The following KIF11 variants were observed in gnomAD, a reference collection of about 807,000 sequenced individuals.
The protein encoded by KIF11 is kinesin family member 11.
In KIF11, 9 loss-of-function variants were observed where a neutral mutation model predicts 121.0. The ratio of observed to expected loss-of-function variants is 0.07; its 90% CI spans 0.04 to 0.13. The LOEUF (loss-of-function observed/expected upper bound fraction) is 0.13, where lower values mean the gene tolerates loss of function less well. Among genes scored for constraint, KIF11 ranks in the 10% least tolerant of loss-of-function variants. The pLI is 1.00. For missense variants in KIF11, 846 were observed against 1,217.5 expected (o/e 0.69, Z 4.54); for synonymous variants, 408 against 421.0 (o/e 0.97, Z 0.38).
At chr10:92,634,236 G>A (rs1203073484) in intron 14 of KIF11, among the ~76,000 whole-genome samples, 1 of 151,984 alleles carries the variant, frequency 6.6e-6, no homozygotes, top group Admixed American at 6.6e-5. Context: ...ACCCGCCTCG[G>A]CCTCCCAAAG....
Position 92,613,083 on chromosome 10 carries a change from A to G in KIF11, c.742A>G (p.Thr248Ala). The change falls in exon 7 of 22, where the codon ACT becomes GCT. Residue 248 changes from threonine (T) to alanine (A), a missense_variant. Around this residue, in one of 5 missense-constraint regions of KIF11, gnomAD observed 116 missense variants for 285.3 expected, o/e 0.41. Coordinates refer to ENST00000260731, the MANE Select transcript of KIF11 (RefSeq NM_004523.4). The surrounding 1 kb of genome is among the most constrained non-coding windows in gnomAD (Gnocchi z 4.2). ...VFSVTIHMKETTIDGEELVKI... is the reference protein window; with the variant it reads ...VFSVTIHMKEATIDGEELVKI... ...CTCTGTTACAATACATATGAAAGAA[A>G]CTACGATTGATGGAGAAGAGCTTGT... 6.2e-7 allele frequency: 1 copy of G among 1,612,734 alleles called. No homozygotes were observed. Among genetic ancestry groups the G allele is most frequent in the Non-Finnish European group, 8.5e-7 (1 of 1,179,042 alleles).
At chr10:92,601,411 G>A (rs553320145) in intron 1 of KIF11, among the ~76,000 whole-genome samples, 172 of 147,476 alleles carry the variant, frequency 1.2e-3, no homozygotes, top group African/African-American at 4.2e-3. Flanking sequence ...GGGTTTCGCC[G>A]TTTTAGCCAG....
chr10:92,645,890 T>C (rs538463723), intron 18 of KIF11, among the ~76,000 whole-genome samples: 3 of 152,154 alleles, frequency 2.0e-5, no homozygotes, highest in African/African-American at 7.2e-5. Context: ...TCTGACTTAG[T>C]AGTTTCTTCA....
intron 16 of KIF11, among the ~76,000 whole-genome samples, chr10:92,639,506 T>A (rs1444742294): frequency 6.6e-6 from 1 of 151,868 alleles, no homozygotes; most frequent in Non-Finnish European, 1.5e-5. Context: ...GGAAGGAGGA[T>A]CCCTTGAGCC....
intron 1 of KIF11, among the ~76,000 whole-genome samples, chr10:92,600,929 C>A (rs1004274035): frequency 6.6e-6 from 1 of 151,524 alleles, no homozygotes; most frequent in Non-Finnish European, 1.5e-5. Context: ...GGCGCCATCT[C>A]TGCTTACTGT....
chr10:92,653,233 G>C (rs117711203), intron 21 of KIF11, among the ~76,000 whole-genome samples: 3,168 of 152,212 alleles, frequency 0.021, 50 homozygotes, highest in Admixed American at 0.052. Context: ...GTTGTGATGG[G>C]CTTTCCTGTG....
In KIF11 at chr10:92,653,475, AG is replaced by A. The variant is rs755069459; in HGVS notation, c.3040-189del. ...TTTCTTTCACTCTACTCCTTCCATT[AG>A]TGATCAAATAAAGAAGGCATTTGGC... On this transcript the variant is annotated intron_variant, in intron 21 of 21. Coordinates refer to ENST00000260731, the MANE Select transcript of KIF11 (RefSeq NM_004523.4). 5.3e-5 allele frequency among the ~76,000 whole-genome samples: 8 copies of A among 152,238 alleles called. No individual in the cohort carries two copies. The East Asian group carries it at 1.5e-3, about 29-fold the overall frequency.
At chr10:92,624,121 C>T (rs991279018) in intron 10 of KIF11, among the ~76,000 whole-genome samples, 2 of 151,340 alleles carry the variant, frequency 1.3e-5, no homozygotes, top group Non-Finnish European at 2.9e-5. Flanking sequence ...TTAGCTCCTA[C>T]TTATAAGTGA....
In KIF11 at chr10:92,648,382, G is replaced by T; in HGVS notation, c.2718G>T (p.Leu906Phe). 6.2e-7 allele frequency: 1 copy of T among 1,612,530 alleles called. No individual in the cohort carries two copies. Among genetic ancestry groups the T allele is most frequent in the South Asian group, 1.1e-5 (1 of 90,802 alleles). ...LELNETIKIG[L>F]TKLNCFLEQD... ...TTAATGAAACCATAAAAATTGGTTT[G>T]ACTAAGCTTAATTGCTTTCTGGAAC... Residue 906 changes from leucine (L) to phenylalanine (F), a missense_variant, in exon 19 of 22, where the codon TTG (leucine) becomes TTT (phenylalanine). Leu to Phe is a conservative substitution (Grantham distance 22, BLOSUM62 0). Coordinates refer to ENST00000260731, the MANE Select transcript of KIF11 (RefSeq NM_004523.4).
At position 92,613,143 on chromosome 10, in the gene KIF11, C is replaced by T; in HGVS notation, c.789+13C>T. On this transcript the variant is annotated intron_variant, in intron 7 of 21. Transcript: ENST00000260731. The surrounding 1 kb of genome is among the most constrained non-coding windows in gnomAD (Gnocchi z 4.2). ...AAAGTTGAACTTGGTAAGCATCCACCTTAATACTACTGTTTCACTCTTAAA... is the reference window on the plus strand; with the variant it reads ...AAAGTTGAACTTGGTAAGCATCCACTTTAATACTACTGTTTCACTCTTAAA... The T allele has an allele frequency of 6.4e-7, 1 of 1,567,708 alleles. No individual in the cohort carries two copies. The highest frequency in any genetic ancestry group is 8.8e-7 in the Non-Finnish European group (1 of 1,140,178).
At chr10:92,641,891 C>T (rs1276078768) in intron 17 of KIF11, among the ~76,000 whole-genome samples, 1 of 152,136 alleles carries the variant, frequency 6.6e-6, no homozygotes, top group Non-Finnish European at 1.5e-5. Flanking sequence ...GATCTGTCTT[C>T]ATATTCACTG....
intron 17 of KIF11, among the ~76,000 whole-genome samples, chr10:92,644,114 C>T (rs149973006): frequency 6.6e-6 from 1 of 152,198 alleles, no homozygotes; most frequent in East Asian, 1.9e-4. Context: ...TCTTAAGGCC[C>T]ATGCAAATCA....
At chr10:92,614,472 A>G (rs1844532321) in intron 8 of KIF11, among the ~76,000 whole-genome samples, 1 of 152,242 alleles carries the variant, frequency 6.6e-6, no homozygotes, top group South Asian at 2.1e-4. Flanking sequence ...ACACTCCTGA[A>G]GAAGTTATCT....
At chr10:92,629,004 G>C (rs1424628700) in intron 11 of KIF11, 109 bp downstream of exon 11, 1 of 603,690 alleles carries the variant, frequency 1.7e-6, no homozygotes, top group Non-Finnish European at 2.9e-6. Flanking sequence ...TTTTTTAGAC[G>C]GAGTCTCGCT....
At chr10:92,627,073 AT>A (rs1047424688) in intron 10 of KIF11, among the ~76,000 whole-genome samples, 7 of 152,310 alleles carry the variant, frequency 4.6e-5, no homozygotes, top group Non-Finnish European at 8.8e-5. Context: ...TAGAAGATCC[AT>A]TTTTAATAAA....
chr10:92,650,607 A>G lies in KIF11; in HGVS notation c.3039+90A>G, dbSNP rs1844970524. The G allele has an allele frequency of 1.1e-5, 8 of 752,664 alleles. No homozygotes were observed. The South Asian group carries it at 1.1e-4, about 10-fold the overall frequency. The allele number at this position is 752,664 out of a possible 1,614,324, so 46.6% of individuals were successfully genotyped here. On this transcript the variant is annotated intron_variant, in intron 21 of 21. Coordinates refer to ENST00000260731, the MANE Select transcript of KIF11 (RefSeq NM_004523.4). ...GGTATTGTTCGTGGTGAGCAGAACA[A>G]CAAAAACCTTTCAATTATTCCTTAG...
rs1175303233 is a variant in KIF11 at position 92,651,507 on chromosome 10, GTTTT to G, written c.3039+1028_3039+1031del. 2.3e-3 allele frequency among the ~76,000 whole-genome samples: 121 copies of G among 52,962 alleles called. 12 individuals carry two copies. The highest frequency in any genetic ancestry group is 5.9e-3 in the African/African-American group (114 of 19,290). 34.7% of individuals were successfully genotyped at this position (52,962 alleles called of 152,430 possible). ...TGTGCCACCATGCCTGGCTAATTTT[GTTTT>G]TTTTTTTTTTTTTTTTTTTTTTTTT... On this transcript the variant is annotated intron_variant, in intron 21 of 21. Coordinates refer to ENST00000260731, the MANE Select transcript of KIF11 (RefSeq NM_004523.4).
chr10:92,621,581 GATAA>G, intron 10 of KIF11, 108 bp downstream of exon 10: 5 of 603,452 alleles, frequency 8.3e-6, no homozygotes, highest in Middle Eastern at 2.9e-4. Context: ...ATCCAGTGCC[GATAA>G]ATACTTCATT....
At chr10:92,602,831 T>TACAC (rs777763361) in intron 1 of KIF11, among the ~76,000 whole-genome samples, 10,525 of 107,332 alleles carry the variant, frequency 0.098, 413 homozygotes, top group African/African-American at 0.18. Flanking sequence ...CACACGTGTG[T>TACAC]GTGTGTGTGT....
Sources: gnomAD v4.1 joint callset for allele counts (sites outside exome capture counted in the v4.1 genomes callset) on GRCh38, gnomAD v4.1.1 for gene constraint, gnomAD v4.1.1 regional missense constraint, Gnocchi (gnomAD v3.1) non-coding constraint, MANE v1.5 for transcripts, NCBI Gene and HGNC (gene_info 2026-07-23, HGNC 2026-07-21) for gene names.